The following TAFA1 variants were observed in gnomAD, a reference collection of about 807,000 sequenced individuals.
TAFA1 encodes TAFA chemokine like family member 1, also known as chemokine-like protein TAFA-1.
A neutral mutation model predicts 18.5 loss-of-function variants in TAFA1; 4 were observed. The observed-to-expected ratio is 0.22, with a 90% CI of 0.11 to 0.49. TAFA1 has a LOEUF of 0.49. TAFA1 is among the 20% of genes least tolerant of loss of function. The pLI, the probability that TAFA1 is intolerant of heterozygous loss-of-function variation, is 0.98. For synonymous variants in TAFA1, 56 were observed against 55.2 expected (o/e 1.01, Z -0.06); for missense variants, 147 against 169.0 (o/e 0.87, Z 0.72).
rs77263512 is a variant in TAFA1 at position 68,032,871 on chromosome 3, C to A, written c.118+26127C>A. The stretch of plus-strand genomic sequence containing the variant: ...TGTGTAAACTAATGATTTGCTCTTG[C>A]GCTTTTCAGTTCTTTTCAATTCTTT... On this transcript the variant is annotated intron_variant, in intron 2 of 4. Coordinates refer to ENST00000478136, the MANE Select transcript of TAFA1 (RefSeq NM_213609.4). Among the ~76,000 whole-genome samples, 380 of 152,198 alleles carry A rather than the reference C, an allele frequency of 2.5e-3. 1 individual carries two copies. Among genetic ancestry groups the A allele is most frequent in the African/African-American group, 8.7e-3 (362 of 41,548 alleles).
chr3:68,064,349 G>T (rs2064645065), intron 2 of TAFA1, among the ~76,000 whole-genome samples: 1 of 152,152 alleles, frequency 6.6e-6, no homozygotes. Context: ...GTGATGAAAG[G>T]ACAAAGTTTC....
chr3:68,286,877 C>T (rs188153306), intron 2 of TAFA1, among the ~76,000 whole-genome samples: 10 of 152,286 alleles, frequency 6.6e-5, no homozygotes, highest in Admixed American at 3.3e-4. Flanking sequence ...CAAAAGGAGA[C>T]CACCTCAACA....
At chr3:68,371,897 TG>T (rs1465842768) in intron 2 of TAFA1, among the ~76,000 whole-genome samples, 1 of 152,182 alleles carries the variant, frequency 6.6e-6, no homozygotes, top group Non-Finnish European at 1.5e-5. Context: ...ATTGCTCCCA[TG>T]GGGACATGGT....
At chr3:68,160,512 A>T (rs2065912278) in intron 2 of TAFA1, among the ~76,000 whole-genome samples, 1 of 152,226 alleles carries the variant, frequency 6.6e-6, no homozygotes, top group Non-Finnish European at 1.5e-5. Flanking sequence ...TTTCTGGCTA[A>T]GTGACTCTAC....
intron 2 of TAFA1, among the ~76,000 whole-genome samples, chr3:68,364,788 C>G (rs73835105): frequency 2.0e-5 from 3 of 152,136 alleles, no homozygotes; most frequent in Non-Finnish European, 4.4e-5. Context: ...CATATGTTAA[C>G]TCTTCTGTTA....
At chr3:68,259,709 G>A (rs963023504) in intron 2 of TAFA1, among the ~76,000 whole-genome samples, 18 of 151,848 alleles carry the variant, frequency 1.2e-4, no homozygotes, top group Non-Finnish European at 4.4e-5. Flanking sequence ...ATTGTGAATG[G>A]GAGTTCACTC....
At chr3:68,454,407 T>C (rs1163498569) in intron 3 of TAFA1, among the ~76,000 whole-genome samples, 1 of 152,120 alleles carries the variant, frequency 6.6e-6, no homozygotes, top group Non-Finnish European at 1.5e-5. Context: ...GATTTTAGGG[T>C]CAGCTATCTG....
intron 2 of TAFA1, among the ~76,000 whole-genome samples, chr3:68,416,930 GTGA>G (rs1378222677): frequency 1.3e-5 from 2 of 152,276 alleles, no homozygotes; most frequent in African/African-American, 4.8e-5. Context: ...AATCTTAAAT[GTGA>G]TGATAACACA....
intron 2 of TAFA1, among the ~76,000 whole-genome samples, chr3:68,172,810 A>G (rs1264147487): frequency 6.6e-6 from 1 of 152,166 alleles, no homozygotes; most frequent in Non-Finnish European, 1.5e-5. Context: ...AAAAAAGTTC[A>G]GGATGGGTAA....
At chr3:68,305,713 A>C (rs1377613686) in intron 2 of TAFA1, among the ~76,000 whole-genome samples, 1 of 151,838 alleles carries the variant, frequency 6.6e-6, no homozygotes, top group Non-Finnish European at 1.5e-5. Flanking sequence ...GTTTTCAAGT[A>C]TCACCAAGGG....
chr3:68,543,799 A>G (rs1041175015), intron 4 of TAFA1, among the ~76,000 whole-genome samples: 10 of 152,228 alleles, frequency 6.6e-5, no homozygotes, highest in Middle Eastern at 6.8e-3. Flanking sequence ...TTGATACCCT[A>G]TTCAAGTGGA....
intron 3 of TAFA1, among the ~76,000 whole-genome samples, chr3:68,536,311 T>C (rs770913200): frequency 6.6e-6 from 1 of 152,186 alleles, no homozygotes; most frequent in Non-Finnish European, 1.5e-5. Context: ...AGAATTTTAA[T>C]GTGCTCCTGC....
chr3:68,265,684 C>T lies in TAFA1; in HGVS notation c.119-151596C>T, dbSNP rs547217074. Among the ~76,000 whole-genome samples the T allele has an allele frequency of 6.6e-5, 10 of 152,204 alleles. No homozygotes were observed. In the East Asian group the frequency reaches 9.7e-4, roughly 15 times the overall value. ...TGGCCTTACAGCTGGTTGGAAGGAG[C>T]CTGTCTTGCTGAGGCTCATTACAGA... is the stretch of plus-strand genomic sequence containing the variant. On this transcript the variant is annotated intron_variant, in intron 2 of 4. Coordinates refer to ENST00000478136, the MANE Select transcript of TAFA1 (RefSeq NM_213609.4).
chr3:68,442,969 G>A (rs1313138241), intron 3 of TAFA1, among the ~76,000 whole-genome samples: 6 of 152,118 alleles, frequency 3.9e-5, no homozygotes, highest in African/African-American at 7.2e-5. Flanking sequence ...ATTGATTCAG[G>A]TGTAGGGGTA....
chr3:67,994,458 A>G, the TAFA1 span, among the ~76,000 whole-genome samples: 1 of 152,220 alleles, frequency 6.6e-6, no homozygotes, highest in East Asian at 1.9e-4. Flanking sequence ...CCATTGTTAT[A>G]GGCTGTGTGT....
chr3:68,318,765 T>A, intron 2 of TAFA1, among the ~76,000 whole-genome samples: 1 of 152,208 alleles, frequency 6.6e-6, no homozygotes, highest in East Asian at 1.9e-4. Flanking sequence ...TAAAAGATTT[T>A]AAAGTAATCT....
chr3:68,170,310 A>G (rs937866654), intron 2 of TAFA1, among the ~76,000 whole-genome samples: 5 of 152,162 alleles, frequency 3.3e-5, no homozygotes, highest in African/African-American at 1.2e-4. Context: ...TTACTTATCC[A>G]GTGGCTCCCT....
chr3:68,493,523 C>A (rs1284104998), intron 3 of TAFA1, among the ~76,000 whole-genome samples: 2 of 152,156 alleles, frequency 1.3e-5, no homozygotes, highest in African/African-American at 2.4e-5. Context: ...ATTGCTGGAT[C>A]ATACAGTAAT....
chr3:68,268,321 A>T (rs2067587815), intron 2 of TAFA1, among the ~76,000 whole-genome samples: 1 of 152,152 alleles, frequency 6.6e-6, no homozygotes, highest in Non-Finnish European at 1.5e-5. Context: ...ACATATTTTA[A>T]GATATTGCTG....
Sources: gnomAD v4.1 joint callset for allele counts (sites outside exome capture counted in the v4.1 genomes callset) on GRCh38, gnomAD v4.1.1 for gene constraint, MANE v1.5 for transcripts, NCBI Gene and HGNC (gene_info 2026-07-23, HGNC 2026-07-21) for gene names.